KIFC2: variants seen among roughly 807,000 people sequenced by gnomAD.
KIFC2 encodes kinesin family member C2, also known as kinesin-like protein KIFC2.
A neutral mutation model predicts 91.5 loss-of-function variants in KIFC2; 94 were observed. The observed-to-expected ratio is 1.03, with a 90% CI of 0.87 to 1.22. The LOEUF (loss-of-function observed/expected upper bound fraction) is 1.22. KIFC2 is among the 50% of genes most tolerant of loss of function. The pLI is 0.00. For missense variants in KIFC2, 1,357 were observed against 1,103.3 expected, an observed-to-expected ratio of 1.23 and a Z score of -3.26; for synonymous variants, 729 against 503.9, an observed-to-expected ratio of 1.45 and a Z score of -5.98.
At chr8:144,467,366 G>C (rs775212134) in intron 4 of KIFC2, 25 bp downstream of exon 4, 2 of 1,577,184 alleles carry the variant, frequency 1.3e-6, no homozygotes, top group East Asian at 2.2e-5. Flanking sequence ...GTAAGTTGAA[G>C]AAGAACTCTG....
At chr8:144,470,525 C>T (rs1327359827) in intron 12 of KIFC2, 1 of 152,282 alleles carries the variant, frequency 6.6e-6, no homozygotes, top group Non-Finnish European at 1.5e-5. Flanking sequence ...ATCATGGAAC[C>T]TCAGTGACCA....
In KIFC2 at chr8:144,469,503, G is replaced by A. The variant is rs1564748520; in HGVS notation, c.1236G>A (p.Val412=). The A allele has an allele frequency of 1.2e-6, 2 of 1,614,010 alleles. No homozygotes were observed. The highest frequency in any genetic ancestry group is 1.7e-6 in the Non-Finnish European group (2 of 1,180,016). ...RLPELKGNIR[V]LCRLRPGTSS... is the part of the protein sequence containing the mutation. ...TCCCCACTGCAGGAAATATCCGTGT[G>A]CTGTGTCGGCTGAGGCCAGGGACAT... Residue 412 remains valine (V), a synonymous_variant, in exon 12 of 18, where the codon GTG becomes GTA. Coordinates refer to ENST00000645548, the MANE Select transcript of KIFC2 (RefSeq NM_001369769.2).
intron 10 of KIFC2, 56 bp from the exon 11 acceptor site, chr8:144,469,215 C>A (rs530519324): frequency 1.7e-5 from 24 of 1,416,798 alleles, no homozygotes; most frequent in South Asian, 1.5e-4. Flanking sequence ...TCCCACCCCC[C>A]ACCTCCGCAG....
At chr8:144,468,918 C>A in intron 10 of KIFC2, 84 bp downstream of exon 10, 1 of 1,163,638 alleles carries the variant, frequency 8.6e-7, no homozygotes, top group Non-Finnish European at 1.3e-6. Context: ...GGGGAGTTGG[C>A]TGTACTAATA....
In KIFC2 at chr8:144,472,724, T is replaced by A; in HGVS notation, c.1861+18T>A. The A allele has an allele frequency of 1.9e-6, 3 of 1,592,694 alleles. No homozygotes were observed. The highest frequency in any genetic ancestry group is 2.2e-5 in the South Asian group (2 of 90,678). ...CACCGCAGGTACCACGGCCGGTGCC[T>A]GAGCCCTGCGGAGTCTCCAGAGCAC... On this transcript the variant is annotated intron_variant, in intron 16 of 17. Coordinates refer to ENST00000645548, the MANE Select transcript of KIFC2 (RefSeq NM_001369769.2).
chr8:144,467,855 C>T lies in KIFC2; in HGVS notation c.682-4C>T. ...GGTGAGTGCCGAGGTTTCCTCTCCACCAGGGGGCGACGGACTCAGAGAAAA... is the reference window on the plus strand; with the variant it reads ...GGTGAGTGCCGAGGTTTCCTCTCCATCAGGGGGCGACGGACTCAGAGAAAA... On this transcript the variant is annotated splice_region_variant and splice_polypyrimidine_tract_variant and intron_variant, in intron 6 of 17. Coordinates refer to ENST00000645548, the MANE Select transcript of KIFC2 (RefSeq NM_001369769.2). 1.2e-6 allele frequency: 2 copies of T among 1,613,416 alleles called. No homozygotes were observed. The highest frequency in any genetic ancestry group is 1.1e-5 in the South Asian group (1 of 91,076).
rs760637420 is a variant in KIFC2 at position 144,473,342 on chromosome 8, A to G, written c.2329A>G (p.Asn777Asp). 106 of 1,592,268 alleles carry G rather than the reference A, an allele frequency of 6.7e-5. No homozygotes were observed. Among genetic ancestry groups the G allele is most frequent in the Admixed American group, 1.6e-4 (9 of 57,638 alleles). Reference sequence around the variant, plus strand: ...CAGTCCTCCATGCCCCAGTCCCGACAACGGCTCGGGCTCGGCTCTCGCGCC... The same window carrying G: ...CAGTCCTCCATGCCCCAGTCCCGACGACGGCTCGGGCTCGGCTCTCGCGCC... ...PGSPPCPSPD[N>D]GSGSALAPAE... Residue 777 changes from asparagine to aspartate, a missense_variant, in exon 18 of 18, where the codon AAC (asparagine) becomes GAC (aspartate). By Grantham distance (23) the Asn-to-Asp change is conservative (BLOSUM62 1). Transcript: ENST00000645548.
In KIFC2 at chr8:144,468,577, C is replaced by T. The variant is rs1304778752; in HGVS notation, c.930C>T (p.Ala310=). Residue 310 remains alanine, a synonymous_variant, in exon 9 of 18, where the codon GCC becomes GCT. Transcript: ENST00000645548. ...TGCAGCTGCAGGGCCTTCAAGGGGC[C>T]CTCCAGCAGCTCCAGCAGGAGACGG... ...QEVQLQGLQG[A]LQQLQQETEQ... 2 of 1,608,106 alleles carry T rather than the reference C, an allele frequency of 1.2e-6. No homozygotes were observed. Among genetic ancestry groups the T allele is most frequent in the Admixed American group, 1.7e-5 (1 of 58,942 alleles).
chr8:144,468,111 G>A, intron 7 of KIFC2, 124 bp downstream of exon 7: 1 of 1,306,300 alleles, frequency 7.7e-7, no homozygotes, highest in Non-Finnish European at 1.0e-6. Flanking sequence ...AGCCCCATCA[G>A]GGAGGCTGAT....
At position 144,466,426 on chromosome 8, in the gene KIFC2, G is replaced by C; in HGVS notation, c.7G>C (p.Ala3Pro). 1 of 1,339,532 alleles carries C rather than the reference G, an allele frequency of 7.5e-7. No homozygotes were observed. Among genetic ancestry groups the C allele is most frequent in the Non-Finnish European group, 9.7e-7 (1 of 1,030,068 alleles). The allele number at this position is 1,339,532 out of a possible 1,614,324, so 83.0% of individuals were successfully genotyped here. Residue 3 changes from alanine to proline, a missense_variant, in exon 1 of 18, where the codon GCC (alanine) becomes CCC (proline). Coordinates refer to ENST00000645548, the MANE Select transcript of KIFC2 (RefSeq NM_001369769.2). MY[A>P]FYSLLIYIFY... ...TCTGCCGCCCCGCGCTCCCATGTAC[G>C]CCTTTTACTCGTTGCTCATCTACAT... is the stretch of plus-strand genomic sequence containing the variant.
In KIFC2 at chr8:144,472,596, G is replaced by GC; in HGVS notation, c.1752dup (p.Asn585GlnfsTer263). On this transcript the variant is annotated frameshift_variant, in exon 16 of 18. Coordinates refer to ENST00000645548, the MANE Select transcript of KIFC2 (RefSeq NM_001369769.2). LOFTEE classifies it high-confidence loss of function. Reference sequence around the variant, plus strand: ...TTCCAGATGCTGAAACTGGGGAGGAGCAACCGGGCCACCGCCGCCACCGCC... The same window carrying GC: ...TTCCAGATGCTGAAACTGGGGAGGAGCCAACCGGGCCACCGCCGCCACCGCC... The GC allele has an allele frequency of 6.2e-7, 1 of 1,608,638 alleles. No individual in the cohort carries two copies. Among genetic ancestry groups the GC allele is most frequent in the Non-Finnish European group, 8.5e-7 (1 of 1,179,748 alleles).
chr8:144,470,118 C>T (rs1036616029), intron 12 of KIFC2, among the ~76,000 whole-genome samples: 1 of 152,264 alleles, frequency 6.6e-6, no homozygotes, highest in Non-Finnish European at 1.5e-5. Context: ...CCCTTTGCTG[C>T]TACAGCTCCC....
chr8:144,470,950 A>G (rs147830930), intron 12 of KIFC2, among the ~76,000 whole-genome samples: 43 of 151,838 alleles, frequency 2.8e-4, no homozygotes, highest in African/African-American at 9.9e-4. Flanking sequence ...TCACGCCCCA[A>G]CATCTGGGCT....
rs1287531720 is a variant in KIFC2 at position 144,467,495 on chromosome 8, C to T, written c.480C>T (p.Ser160=). The T allele has an allele frequency of 2.5e-6, 4 of 1,572,408 alleles. No individual in the cohort carries two copies. The Admixed American group carries it at 7.6e-5, about 30-fold the overall frequency. The change falls in exon 5 of 18, where the codon TCC becomes TCT. Residue 160 remains serine (S), a synonymous_variant. Transcript: ENST00000645548. ...VRPPSPDGST[S]QEESPSHFTA... is the part of the protein sequence containing the mutation. The stretch of plus-strand genomic sequence containing the variant: ...CCCACCCTACTCCAGGATCCACATC[C>T]CAAGAAGAAAGCCCTTCCCACTTCA...
At position 144,467,557 on chromosome 8, in the gene KIFC2, A is replaced by C. The variant is rs758014771; in HGVS notation, c.542A>C (p.Gln181Pro). ...VPGEPLGDETQGQQPLQLEED... is the reference protein window; with the variant it reads ...VPGEPLGDETPGQQPLQLEED... ...GGCGAGCCACTGGGGGATGAGACCC[A>C]GGGACAGCAGCCCCTCCAGTTGGAG... The change falls in exon 5 of 18, where the codon CAG (glutamine) becomes CCG (proline). Residue 181 changes from glutamine to proline, a missense_variant. Physicochemically the swap from Gln to Pro is moderately conservative, Grantham distance 76. Transcript: ENST00000645548. The C allele has an allele frequency of 3.7e-6, 6 of 1,605,652 alleles. No individual in the cohort carries two copies. In the East Asian group the frequency reaches 1.3e-4, roughly 36 times the overall value.
At chr8:144,470,384 T>C (rs902270870) in intron 12 of KIFC2, among the ~76,000 whole-genome samples, 5 of 152,252 alleles carry the variant, frequency 3.3e-5, no homozygotes, top group African/African-American at 9.6e-5. Flanking sequence ...ACAGCCGTCC[T>C]GGACAGGGTC....
At position 144,473,556 on chromosome 8, in the gene KIFC2, T is replaced by G; in HGVS notation, c.*167T>G. ...CCCTCCACCTCCGCAGCCAGTGAAG[T>G]GTGTTGTGCCTGCTGAAGTGATCAC... On this transcript the variant is annotated 3_prime_UTR_variant, in exon 18 of 18. Transcript: ENST00000645548. 1 of 1,107,088 alleles carries G rather than the reference T, an allele frequency of 9.0e-7. No individual in the cohort carries two copies. Among genetic ancestry groups the G allele is most frequent in the South Asian group, 1.7e-5 (1 of 57,168 alleles). The allele number at this position is 1,107,088 out of a possible 1,614,324, so 68.6% of individuals were successfully genotyped here. A position where few individuals can be genotyped will look rare whatever the true frequency, so the allele number is the denominator to read the frequency against.
In KIFC2 at chr8:144,466,798, G is replaced by T; in HGVS notation, c.138G>T (p.Leu46=). 2 of 1,536,150 alleles carry T rather than the reference G, an allele frequency of 1.3e-6. No individual in the cohort carries two copies. The highest frequency in any genetic ancestry group is 1.7e-6 in the Non-Finnish European group (2 of 1,148,400). The change falls in exon 2 of 18, where the codon CTG becomes CTT. Residue 46 remains leucine (L), a synonymous_variant. Coordinates refer to ENST00000645548, the MANE Select transcript of KIFC2 (RefSeq NM_001369769.2). ...CCCGGGGTCGCCGGCGCCCAGACCT[G>T]CCCGCGCCAGAGCTGTGGACCGAGC... ...RKPRGRRRPD[L]PAPELWTELT...
At position 144,473,998 on chromosome 8, in the gene KIFC2, G is replaced by A. The variant is rs565774335; in HGVS notation, c.*609G>A. On this transcript the variant is annotated 3_prime_UTR_variant, in exon 18 of 18. Coordinates refer to ENST00000645548, the MANE Select transcript of KIFC2 (RefSeq NM_001369769.2). ...GAAGGGCTATTCCAGGCTCAGCCCT[G>A]CTCCTGCAGCTTTGCCGCTGAGTGT... 21 of 568,508 alleles carry A rather than the reference G, an allele frequency of 3.7e-5. No homozygotes were observed. The Admixed American group carries it at 6.6e-4, about 18-fold the overall frequency. The allele number at this position is 568,508 out of a possible 1,614,324, so 35.2% of individuals were successfully genotyped here. A position where few individuals can be genotyped will look rare whatever the true frequency, so the allele number is the denominator to read the frequency against.
Sources: allele counts gnomAD v4.1 joint callset (sites outside exome capture counted in the v4.1 genomes callset), GRCh38; gene constraint gnomAD v4.1.1; transcripts MANE v1.5; gene names NCBI Gene and HGNC (gene_info 2026-07-23, HGNC 2026-07-21).